C10orf143: variants seen among roughly 807,000 people sequenced by gnomAD.
The protein encoded by C10orf143 is uncharacterized protein C10orf143.
chr10:130,062,085 A>G (rs1860863648), downstream of C10orf143, among the ~76,000 whole-genome samples: 1 of 152,140 alleles, frequency 6.6e-6, no homozygotes, highest in South Asian at 2.1e-4. Flanking sequence ...TGTGGACCAC[A>G]CCTAGGAAAA....
At chr10:130,061,193 T>C (rs1860854110), downstream of C10orf143, among the ~76,000 whole-genome samples, 1 of 152,186 alleles carries the variant, frequency 6.6e-6, no homozygotes, top group African/African-American at 2.4e-5. Flanking sequence ...TATATTCACA[T>C]AGAAAAAATT....
rs945245621 is a variant in C10orf143 at position 130,083,166 on chromosome 10, C to A, written c.70-3265G>T. 3.9e-5 allele frequency among the ~76,000 whole-genome samples: 6 copies of A among 152,030 alleles called. No homozygotes were observed. The South Asian group carries it at 1.2e-3, about 31-fold the overall frequency. On this transcript the variant is annotated intron_variant, in intron 1 of 3. Coordinates refer to ENST00000637128, the MANE Select transcript of C10orf143 (RefSeq NM_001355042.2). ...AAAAGCTATTAAAATGGTCCTCAAA[C>A]ATGAAAAAAAGTGTTCAAATGCACT...
chr10:130,056,164 G>A lies in C10orf143; in HGVS notation c.298-20194C>T, dbSNP rs773426111. Among the ~76,000 whole-genome samples, 2 of 152,142 alleles carry A rather than the reference G, an allele frequency of 1.3e-5. No individual in the cohort carries two copies. Among genetic ancestry groups the A allele is most frequent in the South Asian group, 4.1e-4 (2 of 4,828 alleles). On this transcript the variant is annotated intron_variant and NMD_transcript_variant, in intron 3 of 5. Transcript: ENST00000643056. This position sits in a 1 kb window ranked among gnomAD's most constrained non-coding sequence, Gnocchi z 4.6. ...ATTTAGATGTCAGAAAGGAAATCTT[G>A]TTTGTCCTGATTTAGGGCTGAAAAC...
chr10:130,090,600 G>C (rs1177586225), intron 1 of C10orf143, among the ~76,000 whole-genome samples: 1 of 152,118 alleles, frequency 6.6e-6, no homozygotes, highest in Non-Finnish European at 1.5e-5. Flanking sequence ...TGAAGCCAGG[G>C]AGCCAAGTGG....
intron 3 of C10orf143, among the ~76,000 whole-genome samples, chr10:130,044,177 T>C (rs1187162585): frequency 1.3e-5 from 2 of 152,176 alleles, no homozygotes; most frequent in African/African-American, 2.4e-5. Context: ...GTCTGGGGAC[T>C]GCCCCTGAGG....
intron 3 of C10orf143, among the ~76,000 whole-genome samples, chr10:130,036,192 G>A (rs1860543347): frequency 6.6e-6 from 1 of 152,164 alleles, no homozygotes; most frequent in Admixed American, 6.5e-5. Flanking sequence ...CCTGTATTCT[G>A]ATGGGGAAAC....
At chr10:130,083,998 A>G (rs1861249592) in intron 1 of C10orf143, among the ~76,000 whole-genome samples, 1 of 152,102 alleles carries the variant, frequency 6.6e-6, no homozygotes, top group South Asian at 2.1e-4. Flanking sequence ...GAAAAGAACT[A>G]CCCCAAATAA....
At chr10:130,057,811 T>C (rs1860812265) in intron 3 of C10orf143, among the ~76,000 whole-genome samples, 1 of 152,172 alleles carries the variant, frequency 6.6e-6, no homozygotes, top group African/African-American at 2.4e-5. Flanking sequence ...TGCAGACCTA[T>C]GTCACTAACT....
rs1418816740 is a variant in C10orf143, at chr10:130,110,639, C to T, written c.69+65G>A. 1.0e-5 allele frequency: 4 copies of T among 398,328 alleles called. No homozygotes were observed. In the East Asian group the frequency reaches 1.4e-4, roughly 14 times the overall value. The allele number at this position is 398,328 out of a possible 1,614,324, so 24.7% of individuals were successfully genotyped here. On this transcript the variant is annotated intron_variant, in intron 1 of 3. Coordinates refer to ENST00000637128, the MANE Select transcript of C10orf143 (RefSeq NM_001355042.2). ...GGGCCGCGCCGGCAAAAACGAGGCG[C>T]GGTGGGAACCCGCCCAGGGGCCATC...
intron 3 of C10orf143, among the ~76,000 whole-genome samples, chr10:130,050,094 G>A (rs1054746424): frequency 4.6e-5 from 7 of 152,300 alleles, no homozygotes; most frequent in Non-Finnish European, 1.0e-4. Context: ...AACGGGAGGC[G>A]GGGCAGGATT....
downstream of C10orf143, among the ~76,000 whole-genome samples, chr10:130,063,049 T>A (rs1476555792): frequency 6.6e-6 from 1 of 151,924 alleles, no homozygotes. Flanking sequence ...AGATGGTCGG[T>A]GGAGATGAGA....
At chr10:130,047,727 C>T (rs1222687977) in intron 3 of C10orf143, among the ~76,000 whole-genome samples, 2 of 152,218 alleles carry the variant, frequency 1.3e-5, no homozygotes, top group Non-Finnish European at 2.9e-5. Flanking sequence ...CTGAGACATA[C>T]TTTCACATCC....
At chr10:130,053,934 C>G (rs756482990) in intron 3 of C10orf143, among the ~76,000 whole-genome samples, 3 of 152,154 alleles carry the variant, frequency 2.0e-5, no homozygotes, top group Non-Finnish European at 4.4e-5. Context: ...GTGTCTGAAC[C>G]CAAATGGAAA....
intron 3 of C10orf143, among the ~76,000 whole-genome samples, chr10:130,050,783 A>T (rs1860727787): frequency 6.6e-6 from 1 of 152,238 alleles, no homozygotes; most frequent in African/African-American, 2.4e-5. Context: ...GCATGTGGCA[A>T]CCGAATCAGC....
At chr10:130,075,914 G>A (rs867788243) in intron 3 of C10orf143, among the ~76,000 whole-genome samples, 2 of 151,834 alleles carry the variant, frequency 1.3e-5, no homozygotes, top group South Asian at 4.2e-4. Context: ...GAGTCAACTA[G>A]ATCTCTTTTC....
intron 3 of C10orf143, among the ~76,000 whole-genome samples, chr10:130,054,419 C>T (rs1271614928): frequency 6.6e-6 from 1 of 152,206 alleles, no homozygotes; most frequent in African/African-American, 2.4e-5. Context: ...CATCTGCTGT[C>T]TTTGAGTGGG....
chr10:130,043,197 C>A (rs1223561569), intron 3 of C10orf143, among the ~76,000 whole-genome samples: 1 of 152,136 alleles, frequency 6.6e-6, no homozygotes, highest in Non-Finnish European at 1.5e-5. Context: ...TCAAGGTTAC[C>A]GCAGGGAATG....
intron 1 of C10orf143, among the ~76,000 whole-genome samples, chr10:130,083,639 CA>C (rs1244542362): frequency 2.0e-5 from 3 of 151,960 alleles, no homozygotes; most frequent in African/African-American, 7.3e-5. Flanking sequence ...CAACAAAGTG[CA>C]AAAGAGTATC....
At chr10:130,092,913 T>A (rs753638585) in intron 1 of C10orf143, among the ~76,000 whole-genome samples, 1 of 152,158 alleles carries the variant, frequency 6.6e-6, no homozygotes, top group Non-Finnish European at 1.5e-5. Context: ...CCCAGATTCA[T>A]AAAGCAAGTT....
Sources: gnomAD v4.1 joint callset for allele counts (sites outside exome capture counted in the v4.1 genomes callset) on GRCh38, gnomAD v4.1.1 for gene constraint, Gnocchi (gnomAD v3.1) non-coding constraint, MANE v1.5 for transcripts, NCBI Gene and HGNC (gene_info 2026-07-23, HGNC 2026-07-21) for gene names.